MED23: variants seen among roughly 807,000 people sequenced by gnomAD.
MED23 encodes mediator of RNA polymerase II transcription subunit 23.
MED23 carries 105 observed loss-of-function variants against 163.9 expected under a neutral mutation model. That is an observed-to-expected ratio of 0.64 (90% CI 0.55 to 0.75). The LOEUF is 0.75. Among genes scored for constraint, MED23 ranks in the 30% least tolerant of loss-of-function variants. The probability of loss-of-function intolerance (pLI) is 0.00; values close to 1 mark genes in which losing one functional copy is unlikely to be tolerated. For synonymous variants in MED23, 561 were observed against 565.6 expected (o/e 0.99, Z 0.12); for missense variants, 1,054 against 1,649.0 (o/e 0.64, Z 6.25).
At chr6:131,620,557 T>A in intron 7 of MED23, 71 bp downstream of exon 7, 1 of 1,009,966 alleles carries the variant, frequency 9.9e-7, no homozygotes, top group Non-Finnish European at 1.6e-6. Context: ...CACCTTTGCC[T>A]CCCAAAGTGC....
intron 30 of MED23, among the ~76,000 whole-genome samples, chr6:131,581,011 C>T (rs892102847): frequency 4.6e-5 from 7 of 152,066 alleles, no homozygotes; most frequent in African/African-American, 1.4e-4. Context: ...GTAATGCAAT[C>T]GATGTAAATA....
rs17060414 is a variant in MED23 at position 131,590,172 on chromosome 6, A to C, written c.3807+150T>G. Reference sequence around the variant, plus strand: ...TCCCACCCTAAATTCATTACTGGCAAACTAAGTCCTCTAAAATTGCTCTTG... The same window carrying C: ...TCCCACCCTAAATTCATTACTGGCACACTAAGTCCTCTAAAATTGCTCTTG... On this transcript the variant is annotated intron_variant, in intron 27 of 28. Coordinates refer to ENST00000368068, the MANE Select transcript of MED23 (RefSeq NM_004830.4). The C allele has an allele frequency of 0.018, 11,962 of 671,404 alleles. 1,106 individuals are homozygous for C. In the African/African-American group the frequency reaches 0.19, roughly 11 times the overall value. The allele number at this position is 671,404 out of a possible 1,614,324, so 41.6% of individuals were successfully genotyped here.
downstream of MED23, chr6:131,583,623 A>G: frequency 6.6e-7 from 1 of 1,517,474 alleles, no homozygotes; most frequent in East Asian, 2.4e-5. Context: ...GCAATAACTA[A>G]AGTGTTTTCC....
At chr6:131,589,421 C>A (rs1429137203) in intron 28 of MED23, 44 bp downstream of exon 28, 3 of 1,555,456 alleles carry the variant, frequency 1.9e-6, no homozygotes, top group Non-Finnish European at 2.6e-6. Context: ...TTCAAGTTTT[C>A]TAAATTAAAC....
chr6:131,576,264 C>A (rs1024795770), intron 30 of MED23, among the ~76,000 whole-genome samples: 26 of 152,204 alleles, frequency 1.7e-4, no homozygotes, highest in African/African-American at 6.0e-4. Flanking sequence ...TTATGAGGGA[C>A]TCAAAGTCAA....
At position 131,595,969 on chromosome 6, in the gene MED23, T is replaced by TA. The variant is rs1562376053; in HGVS notation, c.2972dup (p.Gly992ArgfsTer5). The TA allele has an allele frequency of 6.2e-7, 1 of 1,613,940 alleles. No homozygotes were observed. Among genetic ancestry groups the TA allele is most frequent in the Non-Finnish European group, 8.5e-7 (1 of 1,179,856 alleles). On this transcript the variant is annotated frameshift_variant, in exon 22 of 29. Coordinates refer to ENST00000368068, the MANE Select transcript of MED23 (RefSeq NM_004830.4). LOFTEE classifies it high-confidence loss of function. ...CACCATGAAATTTATATAAGCCTCC[T>TA]AGATGATCCAGTAGAGTCTCCAGTG...
At chr6:131,599,366 G>A (rs111401718) in intron 18 of MED23, among the ~76,000 whole-genome samples, 24 of 152,224 alleles carry the variant, frequency 1.6e-4, no homozygotes, top group African/African-American at 5.3e-4. Context: ...TTCTGAAAAG[G>A]AGAAGACAGA....
rs866722101 is a variant in MED23, at chr6:131,623,273, C to T, written c.396+78G>A. ...GTAAATGCTTCCACATCATTTCTCT[C>T]ACCTGAAAATAAGACATGCACACCG... On this transcript the variant is annotated intron_variant, in intron 5 of 28. Transcript: ENST00000368068. 20 of 1,109,890 alleles carry T rather than the reference C, an allele frequency of 1.8e-5. No individual in the cohort carries two copies. In the Middle Eastern group the frequency reaches 9.8e-4, roughly 55 times the overall value. The allele number at this position is 1,109,890 out of a possible 1,614,324, so 68.8% of individuals were successfully genotyped here.
At chr6:131,607,445 T>C (rs1165480243) in intron 12 of MED23, among the ~76,000 whole-genome samples, 1 of 152,008 alleles carries the variant, frequency 6.6e-6, no homozygotes, top group African/African-American at 2.4e-5. Context: ...CTCGGGAGGC[T>C]GAGGCAGGAG....
At chr6:131,589,411 T>C (rs1585448111) in intron 28 of MED23, 54 bp downstream of exon 28, 2 of 1,524,024 alleles carry the variant, frequency 1.3e-6, no homozygotes, top group Non-Finnish European at 1.8e-6. Context: ...TTACTATATG[T>C]TCAAGTTTTC....
At chr6:131,619,998 AT>A (rs1378746823) in intron 7 of MED23, 102 bp from the exon 8 acceptor site, 1 of 779,962 alleles carries the variant, frequency 1.3e-6, no homozygotes, top group Admixed American at 1.9e-5. Flanking sequence ...GAGATAATAT[AT>A]GTAAAGATTG....
intron 28 of MED23, 27 bp from the exon 29 acceptor site, chr6:131,587,873 T>A (rs746619395): frequency 4.4e-6 from 7 of 1,576,508 alleles, no homozygotes; most frequent in Non-Finnish European, 6.1e-6. Flanking sequence ...CATTAAAACG[T>A]ACTTTAATCA....
intron 10 of MED23, among the ~76,000 whole-genome samples, chr6:131,613,375 T>A (rs1053553188): frequency 4.6e-5 from 7 of 152,192 alleles, no homozygotes; most frequent in African/African-American, 1.4e-4. Context: ...AATATTAGCA[T>A]AAAATATAAC....
At position 131,598,821 on chromosome 6, in the gene MED23, A is replaced by G; in HGVS notation, c.2221-60T>C. ...ATAGTAGAAAGAGCACTGGATATGG[A>G]GTTAATAAACCAGTTCTAGACTTGA... On this transcript the variant is annotated intron_variant, in intron 18 of 28. Coordinates refer to ENST00000368068, the MANE Select transcript of MED23 (RefSeq NM_004830.4). This position sits in a 1 kb window ranked among gnomAD's most constrained non-coding sequence, Gnocchi z 4.7. The G allele has an allele frequency of 1.3e-6, 2 of 1,514,530 alleles. No individual in the cohort carries two copies. The highest frequency in any genetic ancestry group is 1.8e-6 in the Non-Finnish European group (2 of 1,091,244). The allele number at this position is 1,514,530 out of a possible 1,614,324, so 93.8% of individuals were successfully genotyped here.
chr6:131,596,933 T>C (rs1775093164), intron 20 of MED23, among the ~76,000 whole-genome samples: 1 of 152,198 alleles, frequency 6.6e-6, no homozygotes, highest in Non-Finnish European at 1.5e-5. Flanking sequence ...AATCTATCTT[T>C]CACAGCTATC....
chr6:131,614,644 A>G (rs1051528058), intron 10 of MED23, among the ~76,000 whole-genome samples: 2 of 152,156 alleles, frequency 1.3e-5, no homozygotes, highest in African/African-American at 4.8e-5. Flanking sequence ...GGAGGAAGGC[A>G]CTTCTGGCAA....
In MED23 at chr6:131,598,205, A is replaced by C. The variant is rs1183899010; in HGVS notation, c.2607+82T>G. ...ATAAATTCATTAAATCCTTCAAAGC[A>C]ATATAGAGCAGATTGGCATAACATA... On this transcript the variant is annotated intron_variant, in intron 20 of 28. Coordinates refer to ENST00000368068, the MANE Select transcript of MED23 (RefSeq NM_004830.4). This position sits in a 1 kb window ranked among gnomAD's most constrained non-coding sequence, Gnocchi z 4.7. 1 of 1,320,934 alleles carries C rather than the reference A, an allele frequency of 7.6e-7. No individual in the cohort carries two copies. The highest frequency in any genetic ancestry group is 1.1e-6 in the Non-Finnish European group (1 of 920,030). The allele number at this position is 1,320,934 out of a possible 1,614,324, so 81.8% of individuals were successfully genotyped here.
intron 1 of MED23, 57 bp downstream of exon 1, chr6:131,627,954 C>T (rs1777639768): frequency 1.9e-6 from 3 of 1,609,706 alleles, no homozygotes; most frequent in Non-Finnish European, 2.5e-6. Context: ...TGGTCGGCTG[C>T]CCCCGCGTCT....
rs1276204599 is a variant in MED23 at position 131,628,064 on chromosome 6, C to G, written c.-15G>C. On this transcript the variant is annotated 5_prime_UTR_variant, in exon 1 of 29. Transcript: ENST00000368068. Reference sequence around the variant, plus strand: ...TGCGTCTCCATCTGTACTATCACCCCCGCCTTTCCAGGGTGCCCGGCAAGG... The same window carrying G: ...TGCGTCTCCATCTGTACTATCACCCGCGCCTTTCCAGGGTGCCCGGCAAGG... 1.2e-6 allele frequency: 2 copies of G among 1,613,982 alleles called. No homozygotes were observed. Among genetic ancestry groups the G allele is most frequent in the South Asian group, 1.1e-5 (1 of 91,086 alleles).
Sources: allele counts gnomAD v4.1 joint callset (sites outside exome capture counted in the v4.1 genomes callset), GRCh38; gene constraint gnomAD v4.1.1; non-coding constraint Gnocchi (gnomAD v3.1); transcripts MANE v1.5; gene names NCBI Gene and HGNC (gene_info 2026-07-23, HGNC 2026-07-21).